Variants in GLIS3 observed in about 807,000 individuals in gnomAD.
GLIS3 encodes GLIS family zinc finger 3.
GLIS3 carries 53 observed loss-of-function variants against 78.6 expected under a neutral mutation model. The ratio of observed to expected loss-of-function variants is 0.67; its 90% confidence interval spans 0.54 to 0.85. The LOEUF (loss-of-function observed/expected upper bound fraction) is 0.85. Among genes scored for constraint, GLIS3 ranks in the 40% least tolerant of loss-of-function variants. The probability of loss-of-function intolerance (pLI) is 0.00; values close to 1 mark genes in which losing one functional copy is unlikely to be tolerated. For synonymous variants in GLIS3, 684 were observed against 509.9 expected (o/e 1.34, Z -4.60); for missense variants, 1,703 against 1,231.1 (o/e 1.38, Z -5.74).
At chr9:4,476,266 A>T in the GLIS3 span, among the ~76,000 whole-genome samples, 3 of 152,344 alleles carry the variant, frequency 2.0e-5, no homozygotes, top group South Asian at 4.1e-4. Flanking sequence ...AGTATCTTTT[A>T]AATATAGTAA....
At chr9:4,276,201 T>G (rs778669140) in intron 2 of GLIS3, among the ~76,000 whole-genome samples, 1 of 149,776 alleles carries the variant, frequency 6.7e-6, no homozygotes. Context: ...GAAAATCACC[T>G]GAACCTAGGA....
intron 2 of GLIS3, among the ~76,000 whole-genome samples, chr9:4,218,545 T>C (rs1049726941): frequency 1.3e-5 from 2 of 152,242 alleles, no homozygotes; most frequent in Admixed American, 1.3e-4. Flanking sequence ...CCCAAAGTGC[T>C]GGGATTACAG....
intron 4 of GLIS3, among the ~76,000 whole-genome samples, chr9:4,100,846 T>A (rs143146896): frequency 6.6e-6 from 1 of 152,296 alleles, no homozygotes; most frequent in Admixed American, 6.5e-5. Context: ...ACTGCCCCCA[T>A]AGATGGAATT....
intron 4 of GLIS3, among the ~76,000 whole-genome samples, chr9:4,107,137 T>G (rs1276909404): frequency 6.6e-6 from 1 of 152,176 alleles, no homozygotes; most frequent in Non-Finnish European, 1.5e-5. Context: ...AGGTCGCCAC[T>G]CATGGAAAGC....
At chr9:4,166,967 G>A (rs755996981) in intron 2 of GLIS3, among the ~76,000 whole-genome samples, 98 of 152,298 alleles carry the variant, frequency 6.4e-4, no homozygotes, top group Non-Finnish European at 1.1e-3. Flanking sequence ...TCCTGTTTGC[G>A]AACAACTCCA....
chr9:4,201,356 A>G (rs969374413), intron 2 of GLIS3, among the ~76,000 whole-genome samples: 3 of 152,214 alleles, frequency 2.0e-5, no homozygotes, highest in Non-Finnish European at 4.4e-5. Flanking sequence ...AGAGAAAGAA[A>G]AAAAGGCATC....
intron 2 of GLIS3, among the ~76,000 whole-genome samples, chr9:4,201,518 G>A (rs1025589186): frequency 3.9e-5 from 6 of 152,226 alleles, no homozygotes; most frequent in South Asian, 2.1e-4. Context: ...ACAAAAGTCC[G>A]TAGTGTTTTT....
chr9:4,218,446 T>C (rs776557501), intron 2 of GLIS3, among the ~76,000 whole-genome samples: 8 of 152,300 alleles, frequency 5.3e-5, no homozygotes, highest in South Asian at 2.1e-4. Flanking sequence ...ACTCGACTAA[T>C]TTTTTGTATT....
At chr9:4,280,271 C>T (rs1196238443) in intron 2 of GLIS3, among the ~76,000 whole-genome samples, 1 of 152,262 alleles carries the variant, frequency 6.6e-6, no homozygotes, top group African/African-American at 2.4e-5. Context: ...CATCCGCCCA[C>T]CGTGGCATCC....
upstream of GLIS3, among the ~76,000 whole-genome samples, chr9:4,303,533 CAT>C (rs768518058): frequency 3.9e-5 from 6 of 152,176 alleles, no homozygotes; most frequent in Non-Finnish European, 8.8e-5. Context: ...GGCTCACATA[CAT>C]GTCAGTGATG....
chr9:4,133,874 A>ACACACACACAC (rs768664577), intron 2 of GLIS3, among the ~76,000 whole-genome samples: 1 of 123,918 alleles, frequency 8.1e-6, no homozygotes. Flanking sequence ...ACACACACAC[A>ACACACACACAC]CCGTACATCT....
chr9:4,101,238 TC>T (rs1830348137), intron 4 of GLIS3, among the ~76,000 whole-genome samples: 1 of 152,150 alleles, frequency 6.6e-6, no homozygotes, highest in African/African-American at 2.4e-5. Context: ...ACTGTGAGAG[TC>T]CAGTGAGATT....
At chr9:3,866,031 T>C (rs370915318) in intron 8 of GLIS3, among the ~76,000 whole-genome samples, 38 of 152,254 alleles carry the variant, frequency 2.5e-4, no homozygotes, top group African/African-American at 7.9e-4. Flanking sequence ...CCGAAGCAGA[T>C]TGTGGAGGTG....
intron 7 of GLIS3, among the ~76,000 whole-genome samples, chr9:3,896,326 A>C (rs1215296416): frequency 6.6e-6 from 1 of 152,142 alleles, no homozygotes; most frequent in African/African-American, 2.4e-5. Context: ...TTTAAAAGGA[A>C]GAAAGTTAGA....
In GLIS3 at chr9:4,283,458, G is replaced by T. The variant is rs897506939; in HGVS notation, c.388+2580C>A. On this transcript the variant is annotated intron_variant, in intron 2 of 10. Coordinates refer to ENST00000381971, the MANE Select transcript of GLIS3 (RefSeq NM_001042413.2). ...TTTTTGTATTTTTAGCAGAGGCGGC[G>T]TTTCACCATCTTGGCCAGGCTGGCT... Among the ~76,000 whole-genome samples the T allele has an allele frequency of 2.0e-5, 3 of 151,870 alleles. No individual in the cohort carries two copies. The East Asian group carries it at 5.8e-4, about 29-fold the overall frequency.
chr9:4,478,390 C>A, the GLIS3 span, among the ~76,000 whole-genome samples: 1 of 152,284 alleles, frequency 6.6e-6, no homozygotes, highest in Non-Finnish European at 1.5e-5. Flanking sequence ...GGCGGGAGAT[C>A]ACTTGAGGTC....
chr9:4,284,804 G>A (rs1306523042), intron 2 of GLIS3, among the ~76,000 whole-genome samples: 1 of 151,912 alleles, frequency 6.6e-6, no homozygotes, highest in African/African-American at 2.4e-5. Context: ...TGTGGTCCCA[G>A]CTACTTGGGG....
intron 4 of GLIS3, among the ~76,000 whole-genome samples, chr9:4,023,013 C>A (rs1210792860): frequency 6.6e-6 from 1 of 152,130 alleles, no homozygotes; most frequent in Non-Finnish European, 1.5e-5. Context: ...CACGGAGGTA[C>A]ACAGCTGCAA....
chr9:4,402,158 T>C, the GLIS3 span, among the ~76,000 whole-genome samples: 26 of 152,094 alleles, frequency 1.7e-4, no homozygotes, highest in South Asian at 2.7e-3. Context: ...GCCACAGGGG[T>C]GTTTGCATCA....
Sources: gnomAD v4.1 joint callset for allele counts (sites outside exome capture counted in the v4.1 genomes callset) on GRCh38, gnomAD v4.1.1 for gene constraint, MANE v1.5 for transcripts, NCBI Gene and HGNC (gene_info 2026-07-23, HGNC 2026-07-21) for gene names.